Variants in LOC122513141 observed in about 807,000 individuals in gnomAD.
chr9:137,218,201 C>T, the LOC122513141 span: 138 of 398,472 alleles, frequency 3.5e-4, no homozygotes, highest in African/African-American at 2.4e-3. Context: ...CGACCTGGGC[C>T]GGGTGCGCTG....
At chr9:137,217,633 A>C in the LOC122513141 span, 1 of 209,466 alleles carries the variant, frequency 4.8e-6, no homozygotes, top group Non-Finnish European at 9.4e-6. Flanking sequence ...CAGAGCAGGC[A>C]GGCCTTGCTG....
At chr9:137,218,137 C>G in the LOC122513141 span, 1 of 398,406 alleles carries the variant, frequency 2.5e-6, no homozygotes, top group Non-Finnish European at 4.4e-6. Flanking sequence ...TGAACTGTAG[C>G]CACGGCCTGT....
chr9:137,217,835 C>T, the LOC122513141 span: 2 of 397,750 alleles, frequency 5.0e-6, no homozygotes, highest in Non-Finnish European at 8.8e-6. Context: ...CACCCTCCAC[C>T]TGGCCGACTC....
chr9:137,217,827 C>G, the LOC122513141 span: 1 of 397,202 alleles, frequency 2.5e-6, no homozygotes, highest in South Asian at 1.4e-4. Context: ...GGGGCCCCCA[C>G]CCTCCACCTG....
chr9:137,218,821 A>G, the LOC122513141 span: 1 of 394,678 alleles, frequency 2.5e-6, no homozygotes, highest in South Asian at 1.4e-4. Context: ...TGCTGCCCAG[A>G]CACTAGCTGA....
At chr9:137,218,176 C>G in the LOC122513141 span, 2 of 398,366 alleles carry the variant, frequency 5.0e-6, no homozygotes, top group Non-Finnish European at 8.8e-6. Context: ...GGCTGCTGGG[C>G]TCGGCCTCCA....
At chr9:137,218,878 C>G in the LOC122513141 span, 8 of 373,774 alleles carry the variant, frequency 2.1e-5, no homozygotes, top group Non-Finnish European at 3.3e-5. Context: ...GGAGGCCAGC[C>G]CAGCAGGAAA....
chr9:137,218,352 G>A, the LOC122513141 span: 1 of 398,290 alleles, frequency 2.5e-6, no homozygotes, highest in African/African-American at 2.1e-5. Context: ...GGGCCCTGGG[G>A]CTCCCTGGAG....
the LOC122513141 span, chr9:137,217,681 G>C: frequency 3.4e-6 from 1 of 293,918 alleles, no homozygotes; most frequent in Non-Finnish European, 6.3e-6. Context: ...AGGAGAGCCA[G>C]CCGGGAGGTC....
the LOC122513141 span, chr9:137,218,184 C>G: frequency 7.5e-6 from 3 of 398,460 alleles, no homozygotes; most frequent in Non-Finnish European, 8.8e-6. Flanking sequence ...GGCTCGGCCT[C>G]CAGTGCCGAC....
the LOC122513141 span, chr9:137,218,040 G>A: frequency 2.5e-6 from 1 of 399,504 alleles, no homozygotes; most frequent in African/African-American, 2.1e-5. Context: ...GAGGAGGGGA[G>A]AGAGCAGGCA....
the LOC122513141 span, chr9:137,218,564 G>A: frequency 3.0e-5 from 12 of 399,166 alleles, no homozygotes; most frequent in Non-Finnish European, 5.3e-5. Context: ...CCTGCTGCTG[G>A]GACTGCTCTT....
the LOC122513141 span, chr9:137,217,766 T>C: frequency 2.8e-6 from 1 of 358,064 alleles, no homozygotes; most frequent in Non-Finnish European, 4.8e-6. Flanking sequence ...GGGGTCCCTG[T>C]CCTCCTATCC....
At chr9:137,217,876 C>T in the LOC122513141 span, 3 of 398,132 alleles carry the variant, frequency 7.5e-6, no homozygotes, top group African/African-American at 2.1e-5. Flanking sequence ...CACCTGGGTC[C>T]TCTCTGGGCC....
At chr9:137,218,002 G>A in the LOC122513141 span, 3 of 399,196 alleles carry the variant, frequency 7.5e-6, no homozygotes, top group Non-Finnish European at 1.3e-5. Context: ...AAGCCATGGA[G>A]GGTGCCTGGG....
chr9:137,218,842 A>G, the LOC122513141 span: 1 of 390,406 alleles, frequency 2.6e-6, no homozygotes, highest in Non-Finnish European at 4.5e-6. Flanking sequence ...ACCCAAGGAC[A>G]CCAGCGCCCA....
At chr9:137,218,182 C>A in the LOC122513141 span, 1 of 398,454 alleles carries the variant, frequency 2.5e-6, no homozygotes, top group Non-Finnish European at 4.4e-6. Flanking sequence ...TGGGCTCGGC[C>A]TCCAGTGCCG....
At chr9:137,217,644 G>C in the LOC122513141 span, 2 of 228,666 alleles carry the variant, frequency 8.7e-6, no homozygotes, top group Non-Finnish European at 1.7e-5. Context: ...GGCCTTGCTG[G>C]GGCCCCAGTC....
At chr9:137,217,886 C>T in the LOC122513141 span, 3 of 398,478 alleles carry the variant, frequency 7.5e-6, no homozygotes, top group Non-Finnish European at 8.8e-6. Flanking sequence ...CTCTCTGGGC[C>T]CTGAGTGCCT....
Sources: gnomAD v4.1 joint callset for allele counts on GRCh38, gnomAD v4.1.1 for gene constraint, MANE v1.5 for transcripts.